LRRC7: variants seen among roughly 807,000 people sequenced by gnomAD.
LRRC7 encodes leucine-rich repeat-containing protein 7.
In LRRC7, 23 loss-of-function variants were observed where a neutral mutation model predicts 175.7. The ratio of observed to expected loss-of-function variants is 0.13; its 90% CI spans 0.09 to 0.19. The LOEUF (loss-of-function observed/expected upper bound fraction) is 0.19, where lower values mean the gene tolerates loss of function less well. Ranked by LOEUF, LRRC7 falls within the 10% of genes least tolerant of loss-of-function variation. LRRC7 has a pLI of 1.00. For missense variants in LRRC7, 1,354 were observed against 1,904.7 expected (o/e 0.71, Z 5.38); for synonymous variants, 685 against 680.9 (o/e 1.01, Z -0.09).
intron 1 of LRRC7, chr1:69,607,395 G>A (rs925622521): frequency 6.6e-6 from 1 of 151,986 alleles, no homozygotes. Context: ...AATTAAAATT[G>A]TAAGCATTGC....
At chr1:69,613,075 C>T (rs1225960922) in intron 1 of LRRC7, among the ~76,000 whole-genome samples, 1 of 152,026 alleles carries the variant, frequency 6.6e-6, no homozygotes, top group Non-Finnish European at 1.5e-5. Context: ...AACTTTCAAT[C>T]ACTGTCTTAG....
intron 1 of LRRC7, among the ~76,000 whole-genome samples, chr1:69,615,585 C>T (rs761714340): frequency 1.3e-5 from 2 of 151,812 alleles, no homozygotes; most frequent in African/African-American, 4.8e-5. Flanking sequence ...TTTAAGCCAC[C>T]GTAAGTGGAT....
intron 3 of LRRC7, among the ~76,000 whole-genome samples, chr1:69,762,442 G>A (rs948561492): frequency 2.4e-4 from 37 of 152,008 alleles, no homozygotes; most frequent in Admixed American, 1.3e-4. Context: ...TAGAGCGTAT[G>A]TATAGAGAAG....
intron 7 of LRRC7, among the ~76,000 whole-genome samples, chr1:69,844,675 G>A (rs1022919426): frequency 6.6e-6 from 1 of 152,042 alleles, no homozygotes; most frequent in African/African-American, 2.4e-5. Flanking sequence ...TCAAGATCCC[G>A]GGGTGAGTTC....
At chr1:69,957,043 A>G (rs1406792944) in intron 8 of LRRC7, among the ~76,000 whole-genome samples, 2 of 151,768 alleles carry the variant, frequency 1.3e-5, no homozygotes, top group African/African-American at 4.8e-5. Context: ...CATTTAACAT[A>G]TATTTATTAA....
chr1:69,690,594 G>A (rs756242129), intron 2 of LRRC7, among the ~76,000 whole-genome samples: 2 of 152,102 alleles, frequency 1.3e-5, no homozygotes, highest in African/African-American at 2.4e-5. Flanking sequence ...CCTTATGAAA[G>A]CTTCCCTGAT....
intron 2 of LRRC7, among the ~76,000 whole-genome samples, chr1:69,681,223 G>C (rs868535893): frequency 3.3e-5 from 5 of 152,206 alleles, no homozygotes; most frequent in South Asian, 2.1e-4. Flanking sequence ...ATTCAGTATA[G>C]ATCTACACCA....
intron 1 of LRRC7, among the ~76,000 whole-genome samples, chr1:69,675,813 G>A (rs979937806): frequency 6.6e-6 from 1 of 151,930 alleles, no homozygotes; most frequent in Non-Finnish European, 1.5e-5. Context: ...CACATATAAT[G>A]TTGAAGCAAT....
intron 4 of LRRC7, among the ~76,000 whole-genome samples, chr1:69,794,724 T>C (rs926699371): frequency 2.6e-5 from 4 of 152,200 alleles, no homozygotes; most frequent in Non-Finnish European, 5.9e-5. Flanking sequence ...TCACCCAATA[T>C]AAACATGAAA....
At chr1:69,763,234 G>A (rs1053947605) in intron 3 of LRRC7, among the ~76,000 whole-genome samples, 1 of 152,036 alleles carries the variant, frequency 6.6e-6, no homozygotes, top group African/African-American at 2.4e-5. Flanking sequence ...AATCAGAATT[G>A]ATGGGTTTCT....
chr1:70,091,883 T>C (rs1301642099), intron 25 of LRRC7, among the ~76,000 whole-genome samples: 1 of 152,158 alleles, frequency 6.6e-6, no homozygotes, highest in African/African-American at 2.4e-5. Context: ...ATCTGAAAAG[T>C]AAATCTCTAT....
intron 1 of LRRC7, among the ~76,000 whole-genome samples, chr1:69,591,781 CA>C (rs894599539): frequency 1.7e-4 from 26 of 151,926 alleles, no homozygotes; most frequent in African/African-American, 5.8e-4. Context: ...AAGGAGTGGC[CA>C]TTTTTTATTC....
At chr1:69,801,237 A>T (rs1235512135) in intron 4 of LRRC7, among the ~76,000 whole-genome samples, 1 of 151,762 alleles carries the variant, frequency 6.6e-6, no homozygotes. Context: ...TCTAGAATGA[A>T]TTATGGAGAA....
At chr1:69,716,128 C>A (rs1665320901) in intron 2 of LRRC7, 4 of 412,688 alleles carry the variant, frequency 9.7e-6, no homozygotes, top group Non-Finnish European at 1.8e-5. Context: ...TTTAAATTTT[C>A]TTTTTTTTTA....
chr1:69,807,388 G>T (rs1677251700), intron 4 of LRRC7, among the ~76,000 whole-genome samples: 1 of 152,026 alleles, frequency 6.6e-6, no homozygotes, highest in Non-Finnish European at 1.5e-5. Context: ...TTTCTTCCTA[G>T]CCTTGATGGT....
chr1:69,803,645 T>C (rs1676778981), intron 4 of LRRC7, among the ~76,000 whole-genome samples: 2 of 151,584 alleles, frequency 1.3e-5, no homozygotes, highest in Non-Finnish European at 3.0e-5. Context: ...GCAGATTCTT[T>C]TGCGTCTTTA....
intron 1 of LRRC7, among the ~76,000 whole-genome samples, chr1:69,603,777 C>T (rs1366642359): frequency 6.6e-6 from 1 of 151,940 alleles, no homozygotes; most frequent in Non-Finnish European, 1.5e-5. Context: ...CTTCCAATTT[C>T]TTATTTTCTT....
At chr1:69,733,202 G>C (rs6667737) in intron 2 of LRRC7, among the ~76,000 whole-genome samples, 6 of 151,862 alleles carry the variant, frequency 4.0e-5, no homozygotes, top group African/African-American at 1.2e-4. Flanking sequence ...TTGAGACTAG[G>C]ATTCACTTCT....
chr1:69,692,050 A>G (rs1661953606), intron 2 of LRRC7, among the ~76,000 whole-genome samples: 2 of 152,140 alleles, frequency 1.3e-5, no homozygotes, highest in South Asian at 4.1e-4. Flanking sequence ...ATTTTTGGCA[A>G]CTATGGGGTT....
Sources: allele counts gnomAD v4.1 joint callset (sites outside exome capture counted in the v4.1 genomes callset), GRCh38; gene constraint gnomAD v4.1.1; transcripts MANE v1.5; gene names NCBI Gene and HGNC (gene_info 2026-07-23, HGNC 2026-07-21).